CCSAP: variants seen among roughly 807,000 people sequenced by gnomAD.
CCSAP encodes centriole, cilia and spindle-associated protein.
In CCSAP, 17 loss-of-function variants were observed where a neutral mutation model predicts 25.9. That is an observed-to-expected ratio of 0.66 (90% CI 0.45 to 0.99). The LOEUF is 0.99. Among genes scored for constraint, CCSAP ranks in the 50% least tolerant of loss-of-function variants. The probability of loss-of-function intolerance (pLI) is 0.00; values close to 1 mark genes in which losing one functional copy is unlikely to be tolerated. For missense variants in CCSAP, 339 were observed against 367.8 expected, an observed-to-expected ratio of 0.92 and a Z score of 0.64; for synonymous variants, 169 against 157.1, an observed-to-expected ratio of 1.08 and a Z score of -0.57.
chr1:229,327,563 G>GTT, intron 2 of CCSAP: 1 of 456,220 alleles, frequency 2.2e-6, no homozygotes, highest in South Asian at 1.5e-5. Context: ...CATTCCCTGT[G>GTT]GGAAGAGTTA....
chr1:229,340,466 T>C (rs1658305692), intron 2 of CCSAP: 1 of 714,500 alleles, frequency 1.4e-6, no homozygotes, highest in Non-Finnish European at 2.6e-6. Flanking sequence ...TTATATTGCA[T>C]GCAAATATTT....
chr1:229,341,054 C>G (rs910075076), intron 2 of CCSAP, among the ~76,000 whole-genome samples: 7 of 152,002 alleles, frequency 4.6e-5, no homozygotes, highest in Non-Finnish European at 7.4e-5. Context: ...ATTAGCCGGG[C>G]GTGGTGGCGC....
chr1:229,325,280 G>C lies in CCSAP; in HGVS notation c.768C>G (p.Asn256Lys). Residue 256 changes from asparagine to lysine, a missense_variant, in exon 4 of 4, where the codon AAC (asparagine) becomes AAG (lysine). Transcript: ENST00000284617. ...ACCTCATGTATTCTGTCATCCACGG[G>C]TTCTCTGAGGAGGAAGCCTTCATCT... Reference protein sequence around the residue: ...NRKMKASSSENPWMTEYMRCY... With the variant: ...NRKMKASSSEKPWMTEYMRCY... 6.2e-7 allele frequency: 1 copy of C among 1,614,060 alleles called. No homozygotes were observed. The highest frequency in any genetic ancestry group is 1.1e-5 in the South Asian group (1 of 91,058).
At chr1:229,333,488 G>C (rs1157689033) in intron 2 of CCSAP, among the ~76,000 whole-genome samples, 5 of 150,676 alleles carry the variant, frequency 3.3e-5, no homozygotes, top group East Asian at 1.9e-4. Context: ...GTGAAAACAG[G>C]GTTGCACAAA....
Position 229,342,178 on chromosome 1 carries a change from C to A in CCSAP, c.288G>T (p.Arg96=). 1 of 1,288,504 alleles carries A rather than the reference C, an allele frequency of 7.8e-7. No homozygotes were observed. The highest frequency in any genetic ancestry group is 2.6e-5 in the South Asian group (1 of 38,524). 79.8% of individuals were successfully genotyped at this position (1,288,504 alleles called of 1,614,324 possible). ...CCTGCTCCTCCGGGGCCCCGCGCGC[C>A]CGCCGTTCCGCCTCCTCCTGGGTCG... ...EPATQEEAER[R]ARGAPEEQDA... The change falls in exon 2 of 4, where the codon CGG becomes CGT. Residue 96 remains arginine (R), a synonymous_variant. Transcript: ENST00000284617. The surrounding 1 kb of genome is among the most constrained non-coding windows in gnomAD (Gnocchi z 7.5).
intron 2 of CCSAP, among the ~76,000 whole-genome samples, chr1:229,335,044 T>C (rs1658165284): frequency 6.6e-6 from 1 of 152,188 alleles, no homozygotes; most frequent in Non-Finnish European, 1.5e-5. Flanking sequence ...CCAGATGTGG[T>C]GGCTCACGTC....
At chr1:229,340,743 A>T in intron 2 of CCSAP, 1 of 300,802 alleles carries the variant, frequency 3.3e-6, no homozygotes, top group Non-Finnish European at 6.1e-6. Context: ...GGTAAAACCA[A>T]GAGCAAAGCA....
At chr1:229,325,623 T>C (rs1385065396) in intron 3 of CCSAP, among the ~76,000 whole-genome samples, 1 of 152,198 alleles carries the variant, frequency 6.6e-6, no homozygotes, top group African/African-American at 2.4e-5. Flanking sequence ...TCAGGGATAA[T>C]GAAACTAAGC....
intron 2 of CCSAP, among the ~76,000 whole-genome samples, chr1:229,341,149 G>C (rs1658321724): frequency 6.9e-6 from 1 of 144,840 alleles, no homozygotes; most frequent in Admixed American, 7.1e-5. Context: ...AGCCGAGATC[G>C]CGCCACTGCG....
At position 229,323,487 on chromosome 1, in the gene CCSAP, A is replaced by G. The variant is rs1657874262; in HGVS notation, c.*1748T>C. The stretch of plus-strand genomic sequence containing the variant: ...CTTTAAAGGAACAGTTTTCACAATC[A>G]GCTAGCTACACCATCACAAATTGCC... On this transcript the variant is annotated 3_prime_UTR_variant, in exon 4 of 4. Transcript: ENST00000284617. The G allele has an allele frequency of 6.6e-6, 1 of 152,244 alleles. No homozygotes were observed. The highest frequency in any genetic ancestry group is 2.1e-4 in the South Asian group (1 of 4,828). 9.4% of individuals were successfully genotyped at this position (152,244 alleles called of 1,614,324 possible). A position where few individuals can be genotyped will look rare whatever the true frequency, so the allele number is the denominator to read the frequency against.
intron 2 of CCSAP, among the ~76,000 whole-genome samples, chr1:229,329,448 G>A (rs905166221): frequency 6.6e-6 from 1 of 152,208 alleles, no homozygotes; most frequent in South Asian, 2.1e-4. Context: ...GGGGTAGATA[G>A]TGTGGGGGAA....
At chr1:229,341,818 C>G (rs1480023718) in intron 2 of CCSAP, among the ~76,000 whole-genome samples, 1 of 152,078 alleles carries the variant, frequency 6.6e-6, no homozygotes, top group Non-Finnish European at 1.5e-5. Flanking sequence ...AGAGGTTTGC[C>G]AAGCCGCAGA....
chr1:229,330,822 G>A (rs1175382772), intron 2 of CCSAP, among the ~76,000 whole-genome samples: 1 of 145,990 alleles, frequency 6.8e-6, no homozygotes, highest in Non-Finnish European at 1.5e-5. Context: ...TCCAGCCTGG[G>A]CAACTCCATC....
At position 229,326,844 on chromosome 1, in the gene CCSAP, A is replaced by C. The variant is rs773800797; in HGVS notation, c.530T>G (p.Ile177Arg). The C allele has an allele frequency of 1.2e-6, 2 of 1,614,024 alleles. No individual in the cohort carries two copies. Among genetic ancestry groups the C allele is most frequent in the Admixed American group, 1.7e-5 (1 of 59,998 alleles). The change falls in exon 3 of 4, where the codon ATA becomes AGA. Residue 177 changes from isoleucine to arginine, a missense_variant. Ile to Arg is a moderately conservative substitution (Grantham distance 97, BLOSUM62 -3). Transcript: ENST00000284617. ...AGCAAATGGATGCTTGTTTTCTTTT[A>C]TTTTACTCGATGATCTTTGGGGACT... Reference protein sequence around the residue: ...VKSPQRSSSKIKENKHPFALY... With the variant: ...VKSPQRSSSKRKENKHPFALY...
At chr1:229,341,193 CAA>C (rs71561730) in intron 2 of CCSAP, among the ~76,000 whole-genome samples, 28 of 91,086 alleles carry the variant, frequency 3.1e-4, no homozygotes, top group African/African-American at 9.6e-4. Flanking sequence ...GACTCCGTCT[CAA>C]AAAAAAAAAA....
intron 2 of CCSAP, among the ~76,000 whole-genome samples, chr1:229,339,868 T>C (rs1476239485): frequency 6.6e-6 from 1 of 152,120 alleles, no homozygotes; most frequent in Non-Finnish European, 1.5e-5. Flanking sequence ...GAGGACTGTA[T>C]TGTGCAGGTG....
rs201879768 is a variant in CCSAP, at chr1:229,325,350, G to A, written c.698C>T (p.Ala233Val). The stretch of plus-strand genomic sequence containing the variant: ...CACAGAGTGAGCTCGCTGCCTTTGA[G>A]CAACCAGTTTCCTTTTTTCCACCTG... ...RRQVEKRKLV[A>V]QRQRAHSVDV... Residue 233 changes from alanine (A) to valine (V), a missense_variant, in exon 4 of 4, where the codon GCT (alanine) becomes GTT (valine). Physicochemically the swap from Ala to Val is moderately conservative, Grantham distance 64. Coordinates refer to ENST00000284617, the MANE Select transcript of CCSAP (RefSeq NM_145257.5). 3.1e-6 allele frequency: 5 copies of A among 1,614,154 alleles called. No homozygotes were observed. The East Asian group carries it at 8.9e-5, about 29-fold the overall frequency.
At chr1:229,337,717 A>G (rs12116906) in intron 2 of CCSAP, among the ~76,000 whole-genome samples, 6 of 58,782 alleles carry the variant, frequency 1.0e-4, no homozygotes, top group Non-Finnish European at 2.6e-4. Context: ...ATATATATAT[A>G]TGTATATATA....
chr1:229,335,085 G>A (rs747931645), intron 2 of CCSAP, among the ~76,000 whole-genome samples: 1 of 152,110 alleles, frequency 6.6e-6, no homozygotes, highest in Admixed American at 6.5e-5. Context: ...AGGACAAGGC[G>A]GGAGGATTGC....
Sources: gnomAD v4.1 joint callset for allele counts (sites outside exome capture counted in the v4.1 genomes callset) on GRCh38, gnomAD v4.1.1 for gene constraint, Gnocchi (gnomAD v3.1) non-coding constraint, MANE v1.5 for transcripts, NCBI Gene and HGNC (gene_info 2026-07-23, HGNC 2026-07-21) for gene names.